The following ROBO2 variants were observed in gnomAD, a reference collection of about 807,000 sequenced individuals.
ROBO2 encodes the protein roundabout homolog 2.
In ROBO2, 53 loss-of-function variants were observed where a neutral mutation model predicts 160.8. That is an observed-to-expected ratio of 0.33 (90% CI 0.26 to 0.41). The LOEUF (loss-of-function observed/expected upper bound fraction) is 0.41, where lower values mean the gene tolerates loss of function less well. Ranked by LOEUF, ROBO2 falls within the 10% of genes least tolerant of loss-of-function variation. The pLI is 1.00. For synonymous variants in ROBO2, 664 were observed against 611.7 expected, an observed-to-expected ratio of 1.09 and a Z score of -1.26; for missense variants, 1,577 against 1,722.4, an observed-to-expected ratio of 0.92 and a Z score of 1.49.
At chr3:76,082,352 A>G (rs537305433) in intron 2 of ROBO2, among the ~76,000 whole-genome samples, 1 of 152,214 alleles carries the variant, frequency 6.6e-6, no homozygotes, top group African/African-American at 2.4e-5. Flanking sequence ...TAAGTGTGTA[A>G]AGGCATAAAA....
chr3:76,682,702 G>T (rs1007621613), intron 2 of ROBO2, among the ~76,000 whole-genome samples: 2 of 152,066 alleles, frequency 1.3e-5, no homozygotes, highest in African/African-American at 2.4e-5. Context: ...CACGGTGCCC[G>T]GCCCAAAAAT....
intron 2 of ROBO2, among the ~76,000 whole-genome samples, chr3:76,353,029 C>T (rs2108302826): frequency 6.6e-6 from 1 of 152,118 alleles, no homozygotes; most frequent in South Asian, 2.1e-4. Flanking sequence ...ACAATTCTAA[C>T]TTAGCAGTCA....
intron 2 of ROBO2, among the ~76,000 whole-genome samples, chr3:76,165,956 G>A (rs955183196): frequency 3.3e-4 from 50 of 152,068 alleles, no homozygotes; most frequent in African/African-American, 1.2e-3. Context: ...TATAGGGAGT[G>A]GTTTGGGGCA....
At chr3:75,920,022 G>A (rs527651440) in intron 1 of ROBO2, among the ~76,000 whole-genome samples, 9 of 151,882 alleles carry the variant, frequency 5.9e-5, no homozygotes, top group Admixed American at 1.3e-4. Context: ...AGGTTTTTTC[G>A]TGTTTCTCTC....
chr3:77,483,568 T>C (rs918571539), intron 4 of ROBO2, among the ~76,000 whole-genome samples: 1 of 151,742 alleles, frequency 6.6e-6, no homozygotes, highest in Non-Finnish European at 1.5e-5. Context: ...GGAGCAGCAA[T>C]TTCACTTTTA....
chr3:77,642,794 A>G (rs1220642157), intron 24 of ROBO2: 2 of 456,612 alleles, frequency 4.4e-6, no homozygotes, highest in East Asian at 1.4e-4. Context: ...GAGAGACAAC[A>G]TGCATCCAGC....
intron 2 of ROBO2, among the ~76,000 whole-genome samples, chr3:76,355,721 G>C (rs2075122686): frequency 6.6e-6 from 1 of 151,756 alleles, no homozygotes; most frequent in Admixed American, 6.6e-5. Context: ...TATAAAGAAA[G>C]TATCTAGCAT....
chr3:76,043,509 G>C (rs1266298666), intron 2 of ROBO2, among the ~76,000 whole-genome samples: 2 of 149,046 alleles, frequency 1.3e-5, no homozygotes, highest in Non-Finnish European at 3.0e-5. Context: ...ACTCTGTAAA[G>C]ACCATGGCTG....
chr3:77,059,841 C>T (rs1237861141), intron 1 of ROBO2, among the ~76,000 whole-genome samples: 1 of 152,024 alleles, frequency 6.6e-6, no homozygotes, highest in South Asian at 2.1e-4. Context: ...TATTTTTGCT[C>T]ATCTCATTTT....
chr3:77,079,224 C>T (rs972114828), intron 1 of ROBO2, among the ~76,000 whole-genome samples: 1 of 152,146 alleles, frequency 6.6e-6, no homozygotes, highest in Non-Finnish European at 1.5e-5. Flanking sequence ...TGGGATTACA[C>T]GCGTGAGCCA....
At chr3:76,603,351 A>AATATATATATATAT (rs71104603) in intron 2 of ROBO2, among the ~76,000 whole-genome samples, 6 of 26,402 alleles carry the variant, frequency 2.3e-4, no homozygotes, top group South Asian at 2.1e-3. Flanking sequence ...AAAAAAAAAA[A>AATATATATATATAT]ATATATATAT....
chr3:76,134,999 C>G (rs1475837224), intron 2 of ROBO2, among the ~76,000 whole-genome samples: 2 of 152,038 alleles, frequency 1.3e-5, no homozygotes, highest in East Asian at 3.9e-4. Context: ...CACAGGAAGG[C>G]TTTACTCACA....
Position 77,550,940 on chromosome 3 carries a change from A to C in ROBO2, c.1182A>C (p.Leu394Phe). ...CGGGTTACTACATCTGCCAGGCTTT[A>C]ACTGTGGCAGGAAGCATTTTAGCAA... The change falls in exon 8 of 26, where the codon TTA (leucine) becomes TTC (phenylalanine). Residue 394 changes from leucine (L) to phenylalanine (F), a missense_variant. Transcript: ENST00000461745. The C allele has an allele frequency of 6.2e-7, 1 of 1,612,974 alleles. No individual in the cohort carries two copies. The highest frequency in any genetic ancestry group is 8.5e-7 in the Non-Finnish European group (1 of 1,179,324).
intron 9 of ROBO2, among the ~76,000 whole-genome samples, chr3:77,561,734 A>G (rs1320426522): frequency 6.6e-6 from 1 of 152,038 alleles, no homozygotes; most frequent in Non-Finnish European, 1.5e-5. Context: ...ACTTTATTCT[A>G]TTCATTTTTC....
chr3:77,031,872 A>G (rs968228171), intron 2 of ROBO2, among the ~76,000 whole-genome samples: 11 of 152,050 alleles, frequency 7.2e-5, no homozygotes, highest in Admixed American at 6.6e-4. Context: ...ATTATAAACA[A>G]CAGCAGTTTA....
chr3:75,966,782 G>A (rs1467728744), intron 2 of ROBO2, among the ~76,000 whole-genome samples: 2 of 151,624 alleles, frequency 1.3e-5, no homozygotes, highest in African/African-American at 2.4e-5. Flanking sequence ...AATGATAACA[G>A]AAGCTATATT....
intron 2 of ROBO2, among the ~76,000 whole-genome samples, chr3:76,937,809 C>T (rs925246353): frequency 6.6e-6 from 1 of 151,850 alleles, no homozygotes; most frequent in African/African-American, 2.4e-5. Flanking sequence ...ATACTGAATT[C>T]AGTTCTTCAA....
intron 2 of ROBO2, among the ~76,000 whole-genome samples, chr3:76,838,046 A>G (rs1359812417): frequency 6.6e-6 from 1 of 152,074 alleles, no homozygotes; most frequent in African/African-American, 2.4e-5. Flanking sequence ...GAAATATCCT[A>G]GCAGCCATGA....
At chr3:76,770,757 C>T (rs1203624042) in intron 2 of ROBO2, among the ~76,000 whole-genome samples, 1 of 151,072 alleles carries the variant, frequency 6.6e-6, no homozygotes, top group East Asian at 2.0e-4. Flanking sequence ...AAGTCTAAAC[C>T]AAAGAAGATG....
Sources: allele counts gnomAD v4.1 joint callset (sites outside exome capture counted in the v4.1 genomes callset), GRCh38; gene constraint gnomAD v4.1.1; transcripts MANE v1.5; gene names NCBI Gene and HGNC (gene_info 2026-07-23, HGNC 2026-07-21).